The following SOX6 variants were observed in gnomAD, a reference collection of about 807,000 sequenced individuals.
SOX6 encodes the protein transcription factor SOX-6.
In SOX6, 11 loss-of-function variants were observed where a neutral mutation model predicts 97.8. That is an observed-to-expected ratio of 0.11 (90% CI 0.07 to 0.19). The LOEUF is 0.19. SOX6 is among the 10% of genes least tolerant of loss of function. SOX6 has a pLI of 1.00. For missense variants in SOX6, 810 were observed against 1,039.5 expected (o/e 0.78, Z 3.04); for synonymous variants, 360 against 371.4 (o/e 0.97, Z 0.35).
At chr11:16,306,105 T>C (rs1306779079) in intron 3 of SOX6, among the ~76,000 whole-genome samples, 4 of 152,140 alleles carry the variant, frequency 2.6e-5, no homozygotes, top group Admixed American at 2.6e-4. Flanking sequence ...CACAACTGAG[T>C]ACAATAATGT....
At chr11:16,466,494 C>A (rs1184057024) in intron 1 of SOX6, among the ~76,000 whole-genome samples, 1 of 151,986 alleles carries the variant, frequency 6.6e-6, no homozygotes, top group Non-Finnish European at 1.5e-5. Context: ...AATTAAAGAG[C>A]TTCTGTGCAA....
In SOX6 at chr11:16,720,337, T is replaced by A. The variant is rs558793954; in HGVS notation, n.354-5432A>T. On this transcript the variant is annotated intron_variant and non_coding_transcript_variant, in intron 2 of 5. Transcript: ENST00000524520. Reference sequence around the variant, plus strand: ...GACTGGATTAAGAAAATGTGGCACATATACACCATGGAATACTATGCAGCC... The same window carrying A: ...GACTGGATTAAGAAAATGTGGCACAAATACACCATGGAATACTATGCAGCC... Among the ~76,000 whole-genome samples the A allele has an allele frequency of 2.5e-4, 35 of 140,904 alleles. No homozygotes were observed. In the Middle Eastern group the frequency reaches 0.014, roughly 56 times the overall value. The allele number at this position is 140,904 out of a possible 152,430, so 92.4% of individuals were successfully genotyped here. A position where few individuals can be genotyped will look rare whatever the true frequency, so the allele number is the denominator to read the frequency against.
At chr11:16,600,823 G>A (rs1242038769) in intron 4 of SOX6, among the ~76,000 whole-genome samples, 12 of 152,064 alleles carry the variant, frequency 7.9e-5, no homozygotes, top group Admixed American at 5.9e-4. Flanking sequence ...CTGACACAAC[G>A]CTCACCAAAA....
intron 3 of SOX6, among the ~76,000 whole-genome samples, chr11:16,243,440 A>G (rs1223356306): frequency 6.6e-6 from 1 of 151,902 alleles, no homozygotes; most frequent in Non-Finnish European, 1.5e-5. Context: ...AAGTGCTAAA[A>G]CTAATTCCTT....
Position 16,726,080 on chromosome 11 carries a change from A to T in SOX6, n.353+10259T>A, listed in dbSNP as rs577402824. ...TTCTTCTAATATCTACCTCAGGTAT[A>T]AAATTTCTTTTGAGGGTGATGAAAA... On this transcript the variant is annotated intron_variant and non_coding_transcript_variant, in intron 2 of 5. Transcript: ENST00000524520. Among the ~76,000 whole-genome samples, 4 of 152,354 alleles carry T rather than the reference A, an allele frequency of 2.6e-5. No homozygotes were observed. The South Asian group carries it at 8.3e-4, about 32-fold the overall frequency.
At chr11:16,199,649 G>T (rs957146725) in intron 4 of SOX6, among the ~76,000 whole-genome samples, 1 of 152,182 alleles carries the variant, frequency 6.6e-6, no homozygotes, top group Admixed American at 6.5e-5. Flanking sequence ...GAGATACAGT[G>T]ATATTAAAAG....
At position 16,219,756 on chromosome 11, in the gene SOX6, G is replaced by A. The variant is rs548284679; in HGVS notation, c.535+14826C>T. On this transcript the variant is annotated intron_variant, in intron 4 of 15. Coordinates refer to ENST00000683767, the MANE Select transcript of SOX6 (RefSeq NM_001367873.1). ...GACCTAAATACTAAGTATGTAGGAG[G>A]TCTAGTACTATGGGCCAGTTCCTAA... is the stretch of plus-strand genomic sequence containing the variant. 9.9e-5 allele frequency among the ~76,000 whole-genome samples: 15 copies of A among 152,024 alleles called. No individual in the cohort carries two copies. In the South Asian group the frequency reaches 2.1e-3, roughly 21 times the overall value.
intron 6 of SOX6, among the ~76,000 whole-genome samples, chr11:16,156,052 C>T (rs909426067): frequency 2.6e-5 from 4 of 151,886 alleles, no homozygotes; most frequent in African/African-American, 9.7e-5. Context: ...AGATTGATGT[C>T]CTATCTCTCT....
chr11:15,992,989 AG>A (rs1296663191), intron 13 of SOX6, among the ~76,000 whole-genome samples: 1 of 152,226 alleles, frequency 6.6e-6, no homozygotes, highest in Non-Finnish European at 1.5e-5. Flanking sequence ...AAAGTATTAG[AG>A]GCCACAAAGT....
At chr11:16,513,785 G>C (rs1392671889) in intron 4 of SOX6, among the ~76,000 whole-genome samples, 2 of 152,090 alleles carry the variant, frequency 1.3e-5, no homozygotes, top group Admixed American at 6.6e-5. Flanking sequence ...GAACATTACA[G>C]TAAAACACAA....
chr11:16,307,149 T>G (rs1383874570), intron 3 of SOX6, among the ~76,000 whole-genome samples: 1 of 152,126 alleles, frequency 6.6e-6, no homozygotes, highest in Non-Finnish European at 1.5e-5. Flanking sequence ...GCCAGAGTAA[T>G]ATGTTAGGAT....
chr11:16,206,953 T>C (rs1263535235), intron 4 of SOX6, among the ~76,000 whole-genome samples: 1 of 152,126 alleles, frequency 6.6e-6, no homozygotes, highest in Non-Finnish European at 1.5e-5. Flanking sequence ...TCCAACATGA[T>C]ATACATAGCA....
rs186752929 is a variant in SOX6 at position 16,396,332 on chromosome 11, G to A, written c.-4-55080C>T. Among the ~76,000 whole-genome samples the A allele has an allele frequency of 7.2e-3, 1,100 of 151,736 alleles. 11 individuals are homozygous for A. The highest frequency in any genetic ancestry group is 0.025 in the African/African-American group (1,055 of 41,462). ...GGCCAGAACATTAGAACTAACAAAA[G>A]CTGAGTATATAGGACTAAATAGTGC... On this transcript the variant is annotated intron_variant, in intron 1 of 15. Coordinates refer to the SOX6 transcript ENST00000396356.
intron 6 of SOX6, among the ~76,000 whole-genome samples, chr11:16,142,072 C>T (rs904763719): frequency 2.0e-5 from 3 of 152,160 alleles, no homozygotes; most frequent in Admixed American, 6.5e-5. Flanking sequence ...GGATCCCTGA[C>T]CCCCGAGTAG....
chr11:16,163,147 A>G (rs1052013691), intron 6 of SOX6, among the ~76,000 whole-genome samples: 4 of 152,216 alleles, frequency 2.6e-5, no homozygotes, highest in Admixed American at 6.5e-5. Context: ...GATAAAAAGA[A>G]AATATCTCAT....
At chr11:16,153,897 G>A (rs544852835) in intron 6 of SOX6, among the ~76,000 whole-genome samples, 5 of 151,998 alleles carry the variant, frequency 3.3e-5, no homozygotes, top group Admixed American at 3.3e-4. Context: ...CTTTTCTCTG[G>A]AGAGTACCAC....
intron 7 of SOX6, among the ~76,000 whole-genome samples, chr11:16,106,969 T>C (rs1022360896): frequency 4.6e-5 from 7 of 151,850 alleles, no homozygotes; most frequent in African/African-American, 1.7e-4. Context: ...AAATGGCCAA[T>C]GAGGACATGA....
At chr11:16,713,409 C>A (rs1303651530) in intron 3 of SOX6, among the ~76,000 whole-genome samples, 1 of 151,944 alleles carries the variant, frequency 6.6e-6, no homozygotes, top group Non-Finnish European at 1.5e-5. Flanking sequence ...ACAATATAAA[C>A]AACATTTTAT....
intron 3 of SOX6, chr11:16,315,155 C>T (rs1590117420): frequency 6.6e-6 from 1 of 152,166 alleles, no homozygotes; most frequent in African/African-American, 2.4e-5. Context: ...CCAGGATGGT[C>T]TTGATCTCCT....
Sources: gnomAD v4.1 joint callset for allele counts (sites outside exome capture counted in the v4.1 genomes callset) on GRCh38, gnomAD v4.1.1 for gene constraint, MANE v1.5 for transcripts, NCBI Gene and HGNC (gene_info 2026-07-23, HGNC 2026-07-21) for gene names.